KCNQ5: variants seen among roughly 807,000 people sequenced by gnomAD.
The protein encoded by KCNQ5 is potassium voltage-gated channel subfamily KQT member 5.
Under a neutral mutation model 98.2 loss-of-function variants are expected in KCNQ5, and 30 were observed. That is an observed-to-expected ratio of 0.31 (90% CI 0.23 to 0.41). The LOEUF (loss-of-function observed/expected upper bound fraction) is 0.41, where lower values mean the gene tolerates loss of function less well. Ranked by LOEUF, KCNQ5 falls within the 10% of genes least tolerant of loss-of-function variation. The pLI is 1.00. For missense variants in KCNQ5, 835 were observed against 1,182.5 expected (o/e 0.71, Z 4.31); for synonymous variants, 458 against 449.4 (o/e 1.02, Z -0.24).
At chr6:73,023,715 A>C (rs1770718299) in intron 2 of KCNQ5, among the ~76,000 whole-genome samples, 1 of 152,208 alleles carries the variant, frequency 6.6e-6, no homozygotes, top group Admixed American at 6.5e-5. Context: ...ATTAGCTTAC[A>C]GCAGTCTTCA....
intron 1 of KCNQ5, among the ~76,000 whole-genome samples, chr6:72,994,717 T>G (rs967722484): frequency 3.7e-4 from 56 of 152,128 alleles, no homozygotes; most frequent in African/African-American, 1.0e-3. Context: ...CTAAAAGGGA[T>G]TTTTAAAAAT....
intron 1 of KCNQ5, among the ~76,000 whole-genome samples, chr6:72,880,310 C>T (rs1405858433): frequency 6.6e-6 from 1 of 152,200 alleles, no homozygotes; most frequent in East Asian, 1.9e-4. Context: ...CAAACGCCTG[C>T]TTTCTGGCTC....
intron 1 of KCNQ5, among the ~76,000 whole-genome samples, chr6:72,964,105 T>C (rs189843675): frequency 6.6e-6 from 1 of 152,350 alleles, no homozygotes; most frequent in African/African-American, 2.4e-5. Flanking sequence ...ATCATAGCAA[T>C]GCTGTCTTGA....
At chr6:72,709,505 T>C (rs565987397) in intron 1 of KCNQ5, among the ~76,000 whole-genome samples, 17 of 152,198 alleles carry the variant, frequency 1.1e-4, no homozygotes, top group Admixed American at 2.6e-4. Flanking sequence ...AGAAAAGAGA[T>C]GCTTAAACTG....
chr6:72,998,438 A>G (rs1270464727), intron 1 of KCNQ5, among the ~76,000 whole-genome samples: 3 of 152,066 alleles, frequency 2.0e-5, no homozygotes, highest in Non-Finnish European at 2.9e-5. Flanking sequence ...GTTCCATTCC[A>G]TTTAAAACAT....
chr6:73,058,108 G>C (rs752778667), intron 3 of KCNQ5, among the ~76,000 whole-genome samples: 1 of 152,080 alleles, frequency 6.6e-6, no homozygotes, highest in Non-Finnish European at 1.5e-5. Context: ...TGGGTTAAAG[G>C]CTTAAACATA....
At chr6:73,162,022 T>C (rs1157127178) in intron 10 of KCNQ5, among the ~76,000 whole-genome samples, 1 of 152,090 alleles carries the variant, frequency 6.6e-6, no homozygotes, top group Admixed American at 6.5e-5. Flanking sequence ...GTTCAAGCAA[T>C]TCTCCTGCCT....
At chr6:72,674,752 AG>A (rs1360958759) in intron 1 of KCNQ5, among the ~76,000 whole-genome samples, 1 of 152,186 alleles carries the variant, frequency 6.6e-6, no homozygotes, top group Non-Finnish European at 1.5e-5. Flanking sequence ...CCTGAGTGAC[AG>A]GGTGAGATCC....
chr6:73,124,999 A>G (rs1775914197), intron 9 of KCNQ5, among the ~76,000 whole-genome samples: 1 of 133,266 alleles, frequency 7.5e-6, no homozygotes, highest in African/African-American at 2.7e-5. Context: ...ACACATATAT[A>G]TATCATATAC....
rs1239656945 is a variant in KCNQ5 at position 73,055,960 on chromosome 6, C to A, written c.616+13898C>A. On this transcript the variant is annotated intron_variant, in intron 3 of 13. Transcript: ENST00000370398. Reference sequence around the variant, plus strand: ...CTATAGACATCTTGAGTTGCAGCTGCAGATGGGGACCGGTGGCTCCCATTT... The same window carrying A: ...CTATAGACATCTTGAGTTGCAGCTGAAGATGGGGACCGGTGGCTCCCATTT... 1.2e-5 allele frequency: 5 copies of A among 416,464 alleles called. 1 individual carries two copies. Among genetic ancestry groups the A allele is most frequent in the Non-Finnish European group, 2.3e-5 (5 of 215,758 alleles). The allele number at this position is 416,464 out of a possible 1,614,324, so 25.8% of individuals were successfully genotyped here.
At chr6:73,193,506 A>T (rs942757869) in intron 13 of KCNQ5, among the ~76,000 whole-genome samples, 1 of 148,570 alleles carries the variant, frequency 6.7e-6, no homozygotes, top group African/African-American at 2.5e-5. Flanking sequence ...AAATAAAATA[A>T]AATATAAAAT....
At chr6:73,058,362 G>A (rs531002587) in intron 3 of KCNQ5, among the ~76,000 whole-genome samples, 13 of 152,180 alleles carry the variant, frequency 8.5e-5, no homozygotes, top group Non-Finnish European at 1.9e-4. Context: ...GCAGTGAGCC[G>A]AGATGCTGCC....
chr6:73,073,808 A>C (rs1168559455), intron 3 of KCNQ5, among the ~76,000 whole-genome samples: 1 of 152,196 alleles, frequency 6.6e-6, no homozygotes, highest in African/African-American at 2.4e-5. Context: ...CAAGCTTCCT[A>C]TGTTTCAAAA....
chr6:72,807,612 G>A (rs1582329027), intron 1 of KCNQ5, among the ~76,000 whole-genome samples: 1 of 151,998 alleles, frequency 6.6e-6, no homozygotes, highest in Non-Finnish European at 1.5e-5. Flanking sequence ...TGAACTCAAG[G>A]GATCCTTTGC....
At chr6:72,944,392 GTATT>G (rs1037163825) in intron 1 of KCNQ5, among the ~76,000 whole-genome samples, 21 of 152,002 alleles carry the variant, frequency 1.4e-4, no homozygotes, top group African/African-American at 4.4e-4. Context: ...TCTTTAAAAA[GTATT>G]CATTCATTTT....
intron 1 of KCNQ5, among the ~76,000 whole-genome samples, chr6:72,649,413 A>G (rs535496764): frequency 2.6e-5 from 4 of 152,262 alleles, no homozygotes; most frequent in African/African-American, 9.6e-5. Flanking sequence ...TACCTTAGAT[A>G]AATTTGGTCA....
At chr6:72,632,618 C>G (rs1207019112) in intron 1 of KCNQ5, among the ~76,000 whole-genome samples, 1 of 152,088 alleles carries the variant, frequency 6.6e-6, no homozygotes, top group Non-Finnish European at 1.5e-5. Context: ...TATATTGTTC[C>G]CATGTTTACA....
At chr6:72,702,562 C>T (rs1768869020) in intron 1 of KCNQ5, among the ~76,000 whole-genome samples, 2 of 152,086 alleles carry the variant, frequency 1.3e-5, no homozygotes, top group African/African-American at 4.8e-5. Context: ...ACAAAAGCTC[C>T]CTTTGTTTTG....
chr6:72,756,827 A>AT (rs1435111997), intron 1 of KCNQ5, among the ~76,000 whole-genome samples: 1 of 152,088 alleles, frequency 6.6e-6, no homozygotes, highest in Admixed American at 6.6e-5. Context: ...GTCATTCCCT[A>AT]TTTATATATA....
Sources: allele counts gnomAD v4.1 joint callset (sites outside exome capture counted in the v4.1 genomes callset), GRCh38; gene constraint gnomAD v4.1.1; transcripts MANE v1.5; gene names NCBI Gene and HGNC (gene_info 2026-07-23, HGNC 2026-07-21).